The following ABCA13 variants were observed in gnomAD, a reference collection of about 807,000 sequenced individuals.
ABCA13 encodes ATP-binding cassette sub-family A member 13.
A neutral mutation model predicts 478.7 loss-of-function variants in ABCA13; 476 were observed. The observed-to-expected ratio is 0.99, with a 90% CI of 0.92 to 1.07. The LOEUF (loss-of-function observed/expected upper bound fraction) is 1.07. ABCA13 is among the 50% of genes least tolerant of loss of function. The pLI, the probability that ABCA13 is intolerant of heterozygous loss-of-function variation, is 0.00. For synonymous variants in ABCA13, 2,252 were observed against 2,158.9 expected, an observed-to-expected ratio of 1.04 and a Z score of -1.20; for missense variants, 6,060 against 5,910.6, an observed-to-expected ratio of 1.03 and a Z score of -0.83.
chr7:48,198,180 A>G lies in ABCA13; in HGVS notation c.164-57A>G, dbSNP rs1798189531. The G allele has an allele frequency of 6.6e-6, 10 of 1,525,332 alleles. No individual in the cohort carries two copies. In the East Asian group the frequency reaches 2.3e-4, roughly 35 times the overall value. The allele number at this position is 1,525,332 out of a possible 1,614,324, so 94.5% of individuals were successfully genotyped here. On this transcript the variant is annotated intron_variant, in intron 2 of 61. Coordinates refer to ENST00000435803, the MANE Select transcript of ABCA13 (RefSeq NM_152701.5). ...TATATTACAATTTCAACTCAACAGG[A>G]ATTCCATTTCTGGTAGCAGGTATAC...
chr7:48,387,795 A>G, intron 35 of ABCA13, 27 bp from the exon 36 acceptor site: 2 of 1,499,848 alleles, frequency 1.3e-6, no homozygotes, highest in African/African-American at 1.4e-5. Context: ...AAAAAATTAA[A>G]CTAATTTTAA....
In ABCA13 at chr7:48,410,160, C is replaced by CT. The variant is rs1187124328; in HGVS notation, c.12071-348dup. Among the ~76,000 whole-genome samples, 152 of 139,824 alleles carry CT rather than the reference C, an allele frequency of 1.1e-3. 1 individual carries two copies. The East Asian group carries it at 0.013, about 12-fold the overall frequency. The allele number at this position is 139,824 out of a possible 152,430, so 91.7% of individuals were successfully genotyped here. Reference sequence around the variant, plus strand: ...TCTGAGGAGAGAGATAACCACCCAGCTTTTTTTTTTTTAATTTATTCTCTC... The same window carrying CT: ...TCTGAGGAGAGAGATAACCACCCAGCTTTTTTTTTTTTTAATTTATTCTCTC... On this transcript the variant is annotated intron_variant, in intron 39 of 61. Transcript: ENST00000435803.
In ABCA13 at chr7:48,403,827, G is replaced by A. The variant is rs778920573; in HGVS notation, c.12018G>A (p.Val4006=). Residue 4006 remains valine, a synonymous_variant, in exon 39 of 62, where the codon GTG becomes GTA. Transcript: ENST00000435803. ...TVVLDEPTSG[V]DPCSRHSLWD... ...TTCTGGATGAGCCCACCAGTGGGGTGGACCCTTGCTCCCGGCATAGCCTGT... is the reference window on the plus strand; with the variant it reads ...TTCTGGATGAGCCCACCAGTGGGGTAGACCCTTGCTCCCGGCATAGCCTGT... 1.9e-6 allele frequency: 3 copies of A among 1,613,786 alleles called. No homozygotes were observed.
chr7:48,637,479 G>T (rs1406034758), intron 59 of ABCA13, among the ~76,000 whole-genome samples: 1 of 149,662 alleles, frequency 6.7e-6, no homozygotes, highest in Non-Finnish European at 1.5e-5. Flanking sequence ...GGTGACTGGT[G>T]TGAGAATAGC....
intron 57 of ABCA13, among the ~76,000 whole-genome samples, chr7:48,591,526 A>G (rs568333835): frequency 3.9e-4 from 59 of 152,012 alleles, no homozygotes; most frequent in African/African-American, 1.4e-3. Flanking sequence ...ATGACAATGG[A>G]ATTGTAGGAA....
chr7:48,613,785 A>C (rs1792264022), intron 58 of ABCA13, among the ~76,000 whole-genome samples: 1 of 149,332 alleles, frequency 6.7e-6, no homozygotes, highest in African/African-American at 2.4e-5. Context: ...ATTATTTTAA[A>C]ATTTTCTCAT....
At position 48,278,375 on chromosome 7, in the gene ABCA13, T is replaced by A. The variant is rs1357484987; in HGVS notation, c.7181T>A (p.Phe2394Tyr). The change falls in exon 18 of 62, where the codon TTC (phenylalanine) becomes TAC (tyrosine). Residue 2394 changes from phenylalanine (F) to tyrosine (Y), a missense_variant. Physicochemically the swap from Phe to Tyr is conservative, Grantham distance 22. This residue lies in a region of ABCA13 where 4,423 missense variants were observed against 4,309.1 expected (regional missense o/e 1.03). Transcript: ENST00000435803. Reference sequence around the variant, plus strand: ...TTCACAGTGGTGAGTCAGTTGTTTTTCCATGTGAATAAGTCTGAGGACCTC... The same window carrying A: ...TTCACAGTGGTGAGTCAGTTGTTTTACCATGTGAATAAGTCTGAGGACCTC... ...DFFTVVSQLFFHVNKSEDLFK... is the reference protein window; with the variant it reads ...DFFTVVSQLFYHVNKSEDLFK... 1 of 1,613,844 alleles carries A rather than the reference T, an allele frequency of 6.2e-7. No homozygotes were observed.
intron 21 of ABCA13, among the ~76,000 whole-genome samples, chr7:48,296,078 C>T (rs1335463215): frequency 2.0e-5 from 3 of 152,030 alleles, no homozygotes; most frequent in Non-Finnish European, 4.4e-5. Flanking sequence ...ACTTTATTGG[C>T]GATAAAGATA....
rs751759357 is a variant in ABCA13 at position 48,245,494 on chromosome 7, A to G, written c.1391-18A>G. The stretch of plus-strand genomic sequence containing the variant: ...TACTTACCTTAGGTGAATAATAATC[A>G]ATTTGTCTACTTTGCAGAAGTCCTC... On this transcript the variant is annotated intron_variant, in intron 11 of 61. Coordinates refer to ENST00000435803, the MANE Select transcript of ABCA13 (RefSeq NM_152701.5). The G allele has an allele frequency of 2.0e-5, 32 of 1,592,764 alleles. No individual in the cohort carries two copies. Among genetic ancestry groups the G allele is most frequent in the Non-Finnish European group, 2.7e-5 (32 of 1,168,596 alleles).
chr7:48,517,375 G>T (rs1377489842), intron 52 of ABCA13, among the ~76,000 whole-genome samples: 1 of 152,146 alleles, frequency 6.6e-6, no homozygotes, highest in Non-Finnish European at 1.5e-5. Flanking sequence ...GGGATTTCTG[G>T]AACAAATTTA....
intron 55 of ABCA13, among the ~76,000 whole-genome samples, chr7:48,552,789 G>A (rs573839082): frequency 6.6e-6 from 1 of 151,442 alleles, no homozygotes; most frequent in African/African-American, 2.4e-5. Context: ...GACAAATGGG[G>A]TATCTGCCCC....
At chr7:48,643,527 G>A in intron 60 of ABCA13, 134 bp downstream of exon 60, 1 of 711,284 alleles carries the variant, frequency 1.4e-6, no homozygotes, top group Non-Finnish European at 2.3e-6. Context: ...CAAAGTATAG[G>A]CCCTGCCTCC....
chr7:48,576,388 C>G (rs1788187416), intron 55 of ABCA13, among the ~76,000 whole-genome samples: 1 of 152,150 alleles, frequency 6.6e-6, no homozygotes, highest in African/African-American at 2.4e-5. Context: ...TGAGTATTAC[C>G]TACAGGAACC....
intron 3 of ABCA13, among the ~76,000 whole-genome samples, chr7:48,198,893 A>C (rs899530395): frequency 1.3e-5 from 2 of 152,320 alleles, no homozygotes; most frequent in Non-Finnish European, 2.9e-5. Context: ...GTGGTTGCCT[A>C]CAGTGTCAGT....
At chr7:48,478,948 CTTTTT>C (rs71227263) in intron 45 of ABCA13, among the ~76,000 whole-genome samples, 2 of 134,566 alleles carry the variant, frequency 1.5e-5, no homozygotes, top group African/African-American at 2.7e-5. Flanking sequence ...AAAATCTACT[CTTTTT>C]TTTTTTTTTT....
intron 42 of ABCA13, among the ~76,000 whole-genome samples, chr7:48,428,777 T>G (rs562237505): frequency 6.6e-6 from 1 of 152,334 alleles, no homozygotes; most frequent in South Asian, 2.1e-4. Context: ...ATATTTTTAT[T>G]TCCCACAGCT....
chr7:48,410,748 A>G (rs1818905303), intron 40 of ABCA13, 71 bp downstream of exon 40: 2 of 1,549,828 alleles, frequency 1.3e-6, no homozygotes, highest in Non-Finnish European at 1.7e-6. Flanking sequence ...AAGTGGTGAC[A>G]GTTACATAGT....
At chr7:48,481,398 A>G (rs1253030340) in intron 46 of ABCA13, among the ~76,000 whole-genome samples, 1 of 152,198 alleles carries the variant, frequency 6.6e-6, no homozygotes, top group Non-Finnish European at 1.5e-5. Flanking sequence ...CTAATTGAAT[A>G]CAAAAACAAA....
intron 58 of ABCA13, among the ~76,000 whole-genome samples, chr7:48,603,263 T>C (rs775979749): frequency 6.6e-6 from 1 of 152,192 alleles, no homozygotes; most frequent in Non-Finnish European, 1.5e-5. Context: ...CTTTCAACAC[T>C]ATGTTGAATA....
Sources: allele counts gnomAD v4.1 joint callset (sites outside exome capture counted in the v4.1 genomes callset), GRCh38; gene constraint gnomAD v4.1.1; regional missense constraint gnomAD v4.1.1; transcripts MANE v1.5; gene names NCBI Gene and HGNC (gene_info 2026-07-23, HGNC 2026-07-21).